The following WDR27 variants were observed in gnomAD, a reference collection of about 807,000 sequenced individuals.
WDR27 encodes WD repeat domain 27.
Under a neutral mutation model 114.4 loss-of-function variants are expected in WDR27, and 100 were observed. The observed-to-expected ratio is 0.87, with a 90% CI of 0.74 to 1.03. The LOEUF (loss-of-function observed/expected upper bound fraction) is 1.03, where lower values mean the gene tolerates loss of function less well. Ranked by LOEUF, WDR27 falls within the 50% of genes least tolerant of loss-of-function variation. The probability of loss-of-function intolerance (pLI) is 0.00; values close to 1 mark genes in which losing one functional copy is unlikely to be tolerated. For synonymous variants in WDR27, 449 were observed against 423.1 expected, an observed-to-expected ratio of 1.06 and a Z score of -0.75; for missense variants, 1,129 against 1,092.9, an observed-to-expected ratio of 1.03 and a Z score of -0.47.
At chr6:169,633,112 A>G in intron 20 of WDR27, 44 bp from the exon 21 acceptor site, 1 of 1,553,112 alleles carries the variant, frequency 6.4e-7, no homozygotes, top group Non-Finnish European at 8.8e-7. Context: ...ACTCTTACCC[A>G]TGGGGAAGGG....
chr6:169,626,943 A>AAT (rs1815013011), intron 21 of WDR27, among the ~76,000 whole-genome samples: 1 of 152,184 alleles, frequency 6.6e-6, no homozygotes, highest in Non-Finnish European at 1.5e-5. Context: ...CTGGACTCTA[A>AAT]AGAGTCCTCA....
At chr6:169,575,461 A>C (rs1338264305) in intron 24 of WDR27, among the ~76,000 whole-genome samples, 1 of 151,694 alleles carries the variant, frequency 6.6e-6, no homozygotes, top group Non-Finnish European at 1.5e-5. Flanking sequence ...TTCTCTGCAA[A>C]CGTGTTTCTG....
intron 21 of WDR27, among the ~76,000 whole-genome samples, chr6:169,624,160 T>G (rs1814124327): frequency 6.7e-6 from 1 of 149,902 alleles, no homozygotes; most frequent in Non-Finnish European, 1.5e-5. Context: ...GGGCGTCAGG[T>G]GTGTGGCGTC....
In WDR27 at chr6:169,684,208, C is replaced by T. The variant is rs531413017; in HGVS notation, c.189+4609G>A. Among the ~76,000 whole-genome samples, 2 of 152,210 alleles carry T rather than the reference C, an allele frequency of 1.3e-5. No individual in the cohort carries two copies. The highest frequency in any genetic ancestry group is 6.5e-5 in the Admixed American group (1 of 15,302). ...GCACTCCTGCCAAGGACAAACCTGC[C>T]CTTGATTTAGCCAAACCATTGCACA... On this transcript the variant is annotated intron_variant, in intron 2 of 25. Coordinates refer to ENST00000448612, the MANE Select transcript of WDR27 (RefSeq NM_182552.5). The surrounding 1 kb of genome is among the most constrained non-coding windows in gnomAD (Gnocchi z 4.3).
intron 1 of WDR27, among the ~76,000 whole-genome samples, chr6:169,691,830 G>C (rs769100822): frequency 6.6e-6 from 1 of 152,160 alleles, no homozygotes. Context: ...ACCCTTTAAA[G>C]TGGTTAGGCA....
At chr6:169,592,477 T>C (rs1432077072) in intron 23 of WDR27, among the ~76,000 whole-genome samples, 1 of 152,250 alleles carries the variant, frequency 6.6e-6, no homozygotes, top group African/African-American at 2.4e-5. Flanking sequence ...TCTTCCACTA[T>C]AACTTTTCAG....
chr6:169,461,151 G>A (rs189653185), intron 25 of WDR27, among the ~76,000 whole-genome samples: 205 of 152,154 alleles, frequency 1.3e-3, no homozygotes, highest in African/African-American at 4.7e-3. Flanking sequence ...ATTTAAGGAA[G>A]AAATAAACAG....
chr6:169,667,007 GT>G (rs1828011551), intron 6 of WDR27, 128 bp downstream of exon 6: 1 of 1,289,480 alleles, frequency 7.8e-7, no homozygotes, highest in African/African-American at 1.5e-5. Flanking sequence ...GTGAAGGGCT[GT>G]AAGTCTGAGA....
At chr6:169,649,114 A>T (rs1821569456) in intron 15 of WDR27, 84 bp downstream of exon 15, 4 of 1,135,072 alleles carry the variant, frequency 3.5e-6, no homozygotes, top group Non-Finnish European at 5.2e-6. Flanking sequence ...AAGGTTTTAT[A>T]TCTGTTTGGA....
At chr6:169,505,743 T>C (rs1791926029) in intron 25 of WDR27, among the ~76,000 whole-genome samples, 1 of 152,250 alleles carries the variant, frequency 6.6e-6, no homozygotes, top group Non-Finnish European at 1.5e-5. Flanking sequence ...TTCACCATCA[T>C]GCCATGCCAG....
chr6:169,661,540 C>A (rs1342529787), intron 9 of WDR27, among the ~76,000 whole-genome samples: 1 of 152,226 alleles, frequency 6.6e-6, no homozygotes, highest in Non-Finnish European at 1.5e-5. Flanking sequence ...AGCACCAGTC[C>A]ACGGTTCACC....
intron 25 of WDR27, among the ~76,000 whole-genome samples, chr6:169,498,211 G>A (rs1251553172): frequency 6.6e-6 from 1 of 152,080 alleles, no homozygotes; most frequent in Non-Finnish European, 1.5e-5. Context: ...GAAAATCACA[G>A]AGACAGATTC....
At chr6:169,472,765 T>C (rs1201015518) in intron 25 of WDR27, among the ~76,000 whole-genome samples, 2 of 152,208 alleles carry the variant, frequency 1.3e-5, no homozygotes, top group Admixed American at 6.5e-5. Flanking sequence ...AATTAATTAT[T>C]TCAAGGCTAA....
intron 21 of WDR27, among the ~76,000 whole-genome samples, chr6:169,625,649 G>A (rs557868167): frequency 7.9e-5 from 12 of 152,192 alleles, no homozygotes; most frequent in East Asian, 3.9e-4. Flanking sequence ...TCAGGAAACC[G>A]GCAGGCAGGT....
chr6:169,583,512 TACACACACAC>T (rs145440232), intron 23 of WDR27, among the ~76,000 whole-genome samples: 2 of 38,856 alleles, frequency 5.1e-5, no homozygotes, highest in Non-Finnish European at 2.3e-4. Flanking sequence ...TATGTATATA[TACACACACAC>T]ACACACACAC....
At chr6:169,477,329 C>T (rs942538726) in intron 25 of WDR27, among the ~76,000 whole-genome samples, 2 of 152,200 alleles carry the variant, frequency 1.3e-5, no homozygotes, top group Non-Finnish European at 2.9e-5. Context: ...TCAAATAAAA[C>T]GTACCCCATT....
chr6:169,626,457 G>A (rs1814858199), intron 21 of WDR27, among the ~76,000 whole-genome samples: 1 of 152,124 alleles, frequency 6.6e-6, no homozygotes, highest in South Asian at 2.1e-4. Context: ...GCGGTGGGGG[G>A]TCAGGTCCAG....
rs142688060 is a variant in WDR27 at position 169,632,452 on chromosome 6, C to T, written c.2223+495G>A. On this transcript the variant is annotated intron_variant, in intron 21 of 25. Coordinates refer to ENST00000448612, the MANE Select transcript of WDR27 (RefSeq NM_182552.5). Reference sequence around the variant, plus strand: ...CTTGGGTACCAAGTGTCTTTTGAACCGTGCAGCTATCAGACAATGAACTCA... The same window carrying T: ...CTTGGGTACCAAGTGTCTTTTGAACTGTGCAGCTATCAGACAATGAACTCA... Among the ~76,000 whole-genome samples the T allele has an allele frequency of 1.3e-3, 192 of 152,266 alleles. 1 individual carries two copies. The highest frequency in any genetic ancestry group is 4.4e-3 in the African/African-American group (182 of 41,542).
chr6:169,665,676 C>A (rs2128283836), intron 6 of WDR27, 120 bp from the exon 7 acceptor site: 1 of 927,164 alleles, frequency 1.1e-6, no homozygotes, highest in Non-Finnish European at 1.6e-6. Context: ...TTCTGTTAGT[C>A]AAGTTTGAAC....
Sources: allele counts gnomAD v4.1 joint callset (sites outside exome capture counted in the v4.1 genomes callset), GRCh38; gene constraint gnomAD v4.1.1; non-coding constraint Gnocchi (gnomAD v3.1); transcripts MANE v1.5; gene names NCBI Gene and HGNC (gene_info 2026-07-23, HGNC 2026-07-21).